NSMAF: variants seen among roughly 807,000 people sequenced by gnomAD.
The protein encoded by NSMAF is neutral sphingomyelinase activation associated factor, also known as protein FAN.
A neutral mutation model predicts 134.9 loss-of-function variants in NSMAF; 90 were observed. The observed-to-expected ratio is 0.67, with a 90% CI of 0.56 to 0.79. The LOEUF (loss-of-function observed/expected upper bound fraction) is 0.79, where lower values mean the gene tolerates loss of function less well. NSMAF is among the 30% of genes least tolerant of loss of function. The probability of loss-of-function intolerance (pLI) is 0.00; values close to 1 mark genes in which losing one functional copy is unlikely to be tolerated. For synonymous variants in NSMAF, 358 were observed against 389.6 expected, an observed-to-expected ratio of 0.92 and a Z score of 0.96; for missense variants, 1,010 against 1,119.0, an observed-to-expected ratio of 0.90 and a Z score of 1.39.
chr8:58,652,300 G>GTCTCCT (rs1219862305), intron 1 of NSMAF, among the ~76,000 whole-genome samples: 3 of 152,150 alleles, frequency 2.0e-5, no homozygotes, highest in Admixed American at 6.5e-5. Flanking sequence ...CAGAAGAGAA[G>GTCTCCT]GTGGCCTCCT....
chr8:58,633,091 A>G (rs1398357029), intron 5 of NSMAF, among the ~76,000 whole-genome samples: 1 of 152,026 alleles, frequency 6.6e-6, no homozygotes, highest in African/African-American at 2.4e-5. Context: ...CCCCAGAGAG[A>G]CTTACATACA....
chr8:58,654,070 G>C (rs1408947279), intron 1 of NSMAF, among the ~76,000 whole-genome samples: 1 of 152,134 alleles, frequency 6.6e-6, no homozygotes, highest in African/African-American at 2.4e-5. Flanking sequence ...GTCACAGTCG[G>C]ATAGATTTCT....
Position 58,659,756 on chromosome 8 carries a change from G to T in NSMAF, c.-125C>A, listed in dbSNP as rs1253764596. 1 of 695,594 alleles carries T rather than the reference G, an allele frequency of 1.4e-6. No homozygotes were observed. The highest frequency in any genetic ancestry group is 2.0e-6 in the Non-Finnish European group (1 of 508,234). The allele number at this position is 695,594 out of a possible 1,614,324, so 43.1% of individuals were successfully genotyped here. On this transcript the variant is annotated 5_prime_UTR_variant, in exon 1 of 31. Transcript: ENST00000038176. ...CTGGGGAGCGCGCGGCTGCCGGCCT[G>T]GCTTCCCCTGCGGCGCCGCTGGGCG...
intron 6 of NSMAF, among the ~76,000 whole-genome samples, chr8:58,624,661 C>A (rs1027246175): frequency 6.6e-5 from 10 of 152,090 alleles, no homozygotes; most frequent in Non-Finnish European, 1.2e-4. Context: ...TGTTTTGTGA[C>A]CTCACATGTG....
At chr8:58,589,333 C>T (rs1410908640) in intron 26 of NSMAF, 119 bp downstream of exon 26, 1 of 642,304 alleles carries the variant, frequency 1.6e-6, no homozygotes, top group African/African-American at 1.9e-5. Flanking sequence ...AGTGACTGAA[C>T]ACATTAGCAA....
At chr8:58,640,758 C>T (rs1228215580) in intron 2 of NSMAF, among the ~76,000 whole-genome samples, 2 of 151,884 alleles carry the variant, frequency 1.3e-5, no homozygotes, top group African/African-American at 2.4e-5. Context: ...AACAGAGTTT[C>T]GCTATGTTGA....
At chr8:58,629,376 A>G (rs1227636906) in intron 6 of NSMAF, among the ~76,000 whole-genome samples, 2 of 151,470 alleles carry the variant, frequency 1.3e-5, no homozygotes, top group Non-Finnish European at 2.9e-5. Context: ...ATTTCTGTTC[A>G]GTTCTTCTTT....
chr8:58,625,661 A>G (rs1316722068), intron 6 of NSMAF, among the ~76,000 whole-genome samples: 1 of 152,100 alleles, frequency 6.6e-6, no homozygotes, highest in Non-Finnish European at 1.5e-5. Context: ...CTTTCAGCCT[A>G]TCTGTGTCCT....
chr8:58,640,680 C>T (rs1201002863), intron 2 of NSMAF, among the ~76,000 whole-genome samples: 1 of 151,950 alleles, frequency 6.6e-6, no homozygotes, highest in Admixed American at 6.6e-5. Flanking sequence ...TGGCTAACTC[C>T]AACTTTATAA....
At chr8:58,626,038 G>T (rs554702566) in intron 6 of NSMAF, among the ~76,000 whole-genome samples, 1 of 146,758 alleles carries the variant, frequency 6.8e-6, no homozygotes, top group Non-Finnish European at 1.5e-5. Context: ...TTTTTTATCC[G>T]TCATCACCAC....
In NSMAF at chr8:58,589,543, T is replaced by C. The variant is rs778087199; in HGVS notation, c.2120A>G (p.Gln707Arg). The C allele has an allele frequency of 6.4e-6, 10 of 1,573,060 alleles. No homozygotes were observed. Among genetic ancestry groups the C allele is most frequent in the Middle Eastern group, 1.7e-4 (1 of 5,998 alleles). The change falls in exon 26 of 31, where the codon CAG becomes CGG. Residue 707 changes from glutamine (Q) to arginine (R), a missense_variant. Coordinates refer to ENST00000038176, the MANE Select transcript of NSMAF (RefSeq NM_003580.4). Reference sequence around the variant, plus strand: ...ATCATCATGTCCCATTAACGTGTCCTGGCGTCTTCCAAATGCTATGGAATA... The same window carrying C: ...ATCATCATGTCCCATTAACGTGTCCCGGCGTCTTCCAAATGCTATGGAATA... ...YFYSIAFGRR[Q>R]DTLMGHDDAV...
In NSMAF at chr8:58,585,709, GT is replaced by G. The variant is rs1805866092; in HGVS notation, c.2601del (p.Glu867AspfsTer23). On this transcript the variant is annotated frameshift_variant, in exon 30 of 31. Transcript: ENST00000038176. LOFTEE classifies it high-confidence loss of function. ...NSVLSGSQSG[E>X]LLVWDLLGAK... ...GCTCCAAGGAGGTCCCAAACGAGCA[GT>G]TCACCAGACTGACTGCCAGATAAAA... The G allele has an allele frequency of 6.2e-7, 1 of 1,614,058 alleles. No individual in the cohort carries two copies. The highest frequency in any genetic ancestry group is 8.5e-7 in the Non-Finnish European group (1 of 1,180,024).
chr8:58,618,562 T>C lies in NSMAF; in HGVS notation c.557+4658A>G, dbSNP rs867292990. On this transcript the variant is annotated intron_variant, in intron 9 of 30. Transcript: ENST00000038176. ...AGTTTCAGATGGTTCAGAAAAAATATATACACATATATATATAATACAAAC... is the reference window on the plus strand; with the variant it reads ...AGTTTCAGATGGTTCAGAAAAAATACATACACATATATATATAATACAAAC... 7.2e-5 allele frequency among the ~76,000 whole-genome samples: 11 copies of C among 151,888 alleles called. No individual in the cohort carries two copies. In the South Asian group the frequency reaches 1.7e-3, roughly 23 times the overall value.
chr8:58,604,289 T>C (rs1806351773), intron 12 of NSMAF, among the ~76,000 whole-genome samples: 1 of 152,104 alleles, frequency 6.6e-6, no homozygotes, highest in Admixed American at 6.6e-5. Flanking sequence ...GAACTGACAG[T>C]TTCTTAGAAA....
intron 7 of NSMAF, 92 bp from the exon 8 acceptor site, chr8:58,623,516 T>C: frequency 2.2e-6 from 3 of 1,337,266 alleles, no homozygotes; most frequent in Non-Finnish European, 3.2e-6. Context: ...AATCATTCTG[T>C]TAACAGTCAA....
chr8:58,617,069 C>A (rs1469386791), intron 9 of NSMAF, among the ~76,000 whole-genome samples: 1 of 152,122 alleles, frequency 6.6e-6, no homozygotes, highest in Non-Finnish European at 1.5e-5. Flanking sequence ...TCTGTACTAT[C>A]TTTTGGTCTG....
At chr8:58,609,562 T>C in intron 10 of NSMAF, 42 bp downstream of exon 10, 1 of 1,611,042 alleles carries the variant, frequency 6.2e-7, no homozygotes, top group Non-Finnish European at 8.5e-7. Flanking sequence ...GGAAACAGCT[T>C]AAACATGGGC....
At position 58,600,241 on chromosome 8, in the gene NSMAF, G is replaced by A. The variant is rs192402355; in HGVS notation, c.1281-220C>T. The A allele has an allele frequency of 6.1e-4, 336 of 553,080 alleles. No individual in the cohort carries two copies. In the African/African-American group the frequency reaches 6.1e-3, roughly 10 times the overall value. 34.3% of individuals were successfully genotyped at this position (553,080 alleles called of 1,614,324 possible). A position where few individuals can be genotyped will look rare whatever the true frequency, so the allele number is the denominator to read the frequency against. ...TCTCCAGGGTCACATGGCGGGAGTG[G>A]GCATAGAGTCCGAGTCCACACCATT... On this transcript the variant is annotated intron_variant, in intron 16 of 30. Transcript: ENST00000038176.
chr8:58,654,079 CTT>C (rs1807646838), intron 1 of NSMAF, among the ~76,000 whole-genome samples: 1 of 152,152 alleles, frequency 6.6e-6, no homozygotes, highest in Admixed American at 6.5e-5. Context: ...GGATAGATTT[CTT>C]GGGACCTATC....
Sources: gnomAD v4.1 joint callset for allele counts (sites outside exome capture counted in the v4.1 genomes callset) on GRCh38, gnomAD v4.1.1 for gene constraint, MANE v1.5 for transcripts, NCBI Gene and HGNC (gene_info 2026-07-23, HGNC 2026-07-21) for gene names.